Variants in NEK7 observed in about 807,000 individuals in gnomAD.
NEK7 encodes NIMA related kinase 7.
Under a neutral mutation model 44.6 loss-of-function variants are expected in NEK7, and 18 were observed. That is an observed-to-expected ratio of 0.40 (90% CI 0.28 to 0.60). NEK7 has a LOEUF of 0.60. Ranked by LOEUF, NEK7 falls within the 20% of genes least tolerant of loss-of-function variation. The probability of loss-of-function intolerance (pLI) is 0.38; values close to 1 mark genes in which losing one functional copy is unlikely to be tolerated. For synonymous variants in NEK7, 130 were observed against 121.1 expected, an observed-to-expected ratio of 1.07 and a Z score of -0.48; for missense variants, 256 against 366.5, an observed-to-expected ratio of 0.70 and a Z score of 2.46.
At chr1:198,223,118 T>C (rs1666116792) in intron 1 of NEK7, among the ~76,000 whole-genome samples, 1 of 145,730 alleles carries the variant, frequency 6.9e-6, no homozygotes. Flanking sequence ...CTTACAGAAT[T>C]CTACTGTGTT....
At chr1:198,169,105 C>T (rs985810537) in intron 1 of NEK7, among the ~76,000 whole-genome samples, 3 of 152,100 alleles carry the variant, frequency 2.0e-5, no homozygotes, top group Non-Finnish European at 4.4e-5. Context: ...TATGGCTTAG[C>T]TCTATGTGTT....
At chr1:198,316,750 A>G (rs1249367545) in intron 9 of NEK7, among the ~76,000 whole-genome samples, 1 of 152,236 alleles carries the variant, frequency 6.6e-6, no homozygotes. Context: ...TCTGGTACAT[A>G]ATAAATACTC....
chr1:198,240,394 G>T (rs1666650771), intron 2 of NEK7, among the ~76,000 whole-genome samples: 1 of 151,718 alleles, frequency 6.6e-6, no homozygotes, highest in Non-Finnish European at 1.5e-5. Context: ...TGAACAGTCT[G>T]TTCAGAGCGA....
chr1:198,157,520 C>T (rs1189151094), intron 1 of NEK7, among the ~76,000 whole-genome samples: 1 of 152,188 alleles, frequency 6.6e-6, no homozygotes, highest in East Asian at 1.9e-4. Context: ...GCTCTAGAGG[C>T]CCGAGGCCGC....
chr1:198,282,426 T>C lies in NEK7; in HGVS notation c.589+3365T>C, dbSNP rs568122004. Among the ~76,000 whole-genome samples the C allele has an allele frequency of 5.9e-5, 9 of 152,194 alleles. No homozygotes were observed. The South Asian group carries it at 1.7e-3, about 28-fold the overall frequency. ...CCCAGTTCATGATGTGCCAGCCATG[T>C]TTTTCCTCTTGCTTTCTTGTGAGCA... On this transcript the variant is annotated intron_variant, in intron 7 of 9. Transcript: ENST00000367385.
chr1:198,184,827 C>T (rs1664870400), intron 1 of NEK7, among the ~76,000 whole-genome samples: 1 of 151,932 alleles, frequency 6.6e-6, no homozygotes, highest in Non-Finnish European at 1.5e-5. Context: ...CACCACTATG[C>T]CTGGCTAATT....
At chr1:198,267,115 T>C (rs777291651) in intron 5 of NEK7, among the ~76,000 whole-genome samples, 14 of 152,242 alleles carry the variant, frequency 9.2e-5, no homozygotes, top group Non-Finnish European at 1.9e-4. Flanking sequence ...TTTCTCTGCC[T>C]GTATTCTCAG....
intron 3 of NEK7, among the ~76,000 whole-genome samples, chr1:198,257,907 A>G (rs1653328075): frequency 6.6e-6 from 1 of 152,218 alleles, no homozygotes; most frequent in Non-Finnish European, 1.5e-5. Context: ...ATAGTGGGAC[A>G]CAATAATTAA....
intron 1 of NEK7, chr1:198,198,090 T>G: frequency 1.4e-6 from 2 of 1,398,512 alleles, no homozygotes; most frequent in Non-Finnish European, 1.9e-6. Flanking sequence ...AAGGGTGGAT[T>G]GATAGGTGGT....
Position 198,211,827 on chromosome 1 carries a change from C to T in NEK7, c.-28-20726C>T, listed in dbSNP as rs1665781641. Among the ~76,000 whole-genome samples the T allele has an allele frequency of 2.6e-5, 4 of 152,026 alleles. No individual in the cohort carries two copies. In the South Asian group the frequency reaches 8.3e-4, roughly 32 times the overall value. On this transcript the variant is annotated intron_variant, in intron 1 of 9. Coordinates refer to ENST00000367385, the MANE Select transcript of NEK7 (RefSeq NM_133494.3). Reference sequence around the variant, plus strand: ...TGAACTTTTTTCCAAGAAGCAACACCGGAACTTAACAGGAAAACTGAAAGA... The same window carrying T: ...TGAACTTTTTTCCAAGAAGCAACACTGGAACTTAACAGGAAAACTGAAAGA...
chr1:198,299,943 G>A (rs1178351066), intron 9 of NEK7, among the ~76,000 whole-genome samples: 1 of 152,120 alleles, frequency 6.6e-6, no homozygotes, highest in Non-Finnish European at 1.5e-5. Flanking sequence ...AGAAAAATAA[G>A]CCTGAATGTC....
intron 1 of NEK7, among the ~76,000 whole-genome samples, chr1:198,190,355 A>G (rs1225222460): frequency 6.6e-6 from 1 of 152,056 alleles, no homozygotes; most frequent in Admixed American, 6.6e-5. Flanking sequence ...TTCTCACACA[A>G]CAAGTAAACC....
intron 1 of NEK7, among the ~76,000 whole-genome samples, chr1:198,187,560 AAG>A (rs1664957513): frequency 6.6e-6 from 1 of 152,172 alleles, no homozygotes; most frequent in Admixed American, 6.6e-5. Flanking sequence ...GGGATTGAGA[AAG>A]AGACAGTAGC....
At chr1:198,273,315 T>C (rs1022569598) in intron 5 of NEK7, among the ~76,000 whole-genome samples, 2 of 151,926 alleles carry the variant, frequency 1.3e-5, no homozygotes, top group East Asian at 3.9e-4. Context: ...AAATTAGTGT[T>C]ACATACCAAA....
chr1:198,308,289 G>A (rs986222570), intron 9 of NEK7, among the ~76,000 whole-genome samples: 2 of 152,064 alleles, frequency 1.3e-5, no homozygotes, highest in African/African-American at 4.8e-5. Context: ...TCTGGATCTG[G>A]TAGAGTCACA....
chr1:198,216,077 C>T (rs532405173), intron 1 of NEK7, among the ~76,000 whole-genome samples: 1 of 152,066 alleles, frequency 6.6e-6, no homozygotes, highest in Non-Finnish European at 1.5e-5. Context: ...AACAAATGAA[C>T]CTAATAGATA....
At chr1:198,302,347 C>T in intron 9 of NEK7, among the ~76,000 whole-genome samples, 1 of 151,082 alleles carries the variant, frequency 6.6e-6, no homozygotes. Context: ...GGACACTGTC[C>T]CTCTCCTTTT....
chr1:198,206,605 G>T (rs1168185432), intron 1 of NEK7, among the ~76,000 whole-genome samples: 1 of 151,942 alleles, frequency 6.6e-6, no homozygotes, highest in African/African-American at 2.4e-5. Context: ...CTTTGTCAGT[G>T]TATTGCCCTA....
At chr1:198,274,052 A>G (rs1399532826) in intron 5 of NEK7, among the ~76,000 whole-genome samples, 2 of 151,260 alleles carry the variant, frequency 1.3e-5, no homozygotes, top group African/African-American at 4.9e-5. Flanking sequence ...ACATTTAAAC[A>G]TTTGACAACA....
Sources: gnomAD v4.1 joint callset for allele counts (sites outside exome capture counted in the v4.1 genomes callset) on GRCh38, gnomAD v4.1.1 for gene constraint, MANE v1.5 for transcripts, NCBI Gene and HGNC (gene_info 2026-07-23, HGNC 2026-07-21) for gene names.